Variants in ZNF335 observed in about 807,000 individuals in gnomAD.
ZNF335 encodes the protein NRC-interacting factor 1.
Under a neutral mutation model 145.6 loss-of-function variants are expected in ZNF335, and 84 were observed. That is an observed-to-expected ratio of 0.58 (90% CI 0.48 to 0.69). The LOEUF is 0.69. ZNF335 is among the 30% of genes least tolerant of loss of function. The pLI is 0.00. For missense variants in ZNF335, 1,865 were observed against 1,809.7 expected (o/e 1.03, Z -0.55); for synonymous variants, 761 against 717.0 (o/e 1.06, Z -0.98).
rs114356103 is a variant in ZNF335 at position 45,971,308 on chromosome 20, C to A, written c.103G>T (p.Val35Leu). ...GCGGCGTCGCTGCTGTCGGCGGACA[C>A]GGCTTCTGAGGTGCCCACACCCAGG... ...SGLGVGTSEA[V>L]SADSSDAAAA... The change falls in exon 2 of 28, where the codon GTG becomes TTG. Residue 35 changes from valine to leucine, a missense_variant. Coordinates refer to ENST00000322927, the MANE Select transcript of ZNF335 (RefSeq NM_022095.4). 857 of 1,593,652 alleles carry A rather than the reference C, an allele frequency of 5.4e-4. 4 individuals carry two copies. The African/African-American group carries it at 9.9e-3, about 18-fold the overall frequency.
rs113840394 is a variant in ZNF335, at chr20:45,965,778, T to A, written c.956-4A>T. The A allele has an allele frequency of 8.8e-6, 14 of 1,598,640 alleles. No homozygotes were observed. The highest frequency in any genetic ancestry group is 1.2e-5 in the Non-Finnish European group (14 of 1,173,126). On this transcript the variant is annotated splice_polypyrimidine_tract_variant and splice_region_variant and intron_variant, in intron 6 of 27. Coordinates refer to ENST00000322927, the MANE Select transcript of ZNF335 (RefSeq NM_022095.4). Reference sequence around the variant, plus strand: ...GCTGGATTATAGTCGCTATCCTCTGTGGGGGACAGTAAAGTTGGTGAACAG... The same window carrying A: ...GCTGGATTATAGTCGCTATCCTCTGAGGGGGACAGTAAAGTTGGTGAACAG...
intron 17 of ZNF335, among the ~76,000 whole-genome samples, chr20:45,956,708 C>T (rs1327072280): frequency 4.0e-5 from 6 of 151,016 alleles, no homozygotes; most frequent in African/African-American, 9.8e-5. Context: ...GATACCACGT[C>T]GGATGACTTC....
chr20:45,968,110 C>T (rs2083995017), intron 4 of ZNF335, 83 bp from the exon 5 acceptor site: 1 of 1,569,698 alleles, frequency 6.4e-7, no homozygotes, highest in African/African-American at 1.3e-5. Context: ...CCCAGGCAGG[C>T]CCAGGGAGTG....
intron 15 of ZNF335, among the ~76,000 whole-genome samples, chr20:45,958,885 CAA>C (rs1344295896): frequency 6.6e-6 from 1 of 152,184 alleles, no homozygotes; most frequent in Admixed American, 6.5e-5. Context: ...GATGACTGGG[CAA>C]AGATACTGAG....
chr20:45,950,008 C>G lies in ZNF335; in HGVS notation c.3549G>C (p.Gln1183His). The part of the protein sequence containing the change: ...GPERLQQALS[Q>H]EHIIVAQEQT... ...GTTCCTGGGCAACGATGATGTGTTC[C>G]TGGCTCAGTGCCTGCTGTAGCCGCT... is the stretch of plus-strand genomic sequence containing the variant. Residue 1183 changes from glutamine to histidine, a missense_variant, in exon 23 of 28, where the codon CAG becomes CAC. By Grantham distance (24) the Gln-to-His change is conservative. Coordinates refer to ENST00000322927, the MANE Select transcript of ZNF335 (RefSeq NM_022095.4). 1.2e-6 allele frequency: 2 copies of G among 1,614,160 alleles called. No individual in the cohort carries two copies. Among genetic ancestry groups the G allele is most frequent in the Non-Finnish European group, 1.7e-6 (2 of 1,180,032 alleles).
chr20:45,949,053 G>A lies in ZNF335; in HGVS notation c.3929C>T (p.Ala1310Val). Residue 1310 changes from alanine to valine, a missense_variant, in exon 28 of 28, where the codon GCC (alanine) becomes GTC (valine). Physicochemically the swap from Ala to Val is moderately conservative, Grantham distance 64. Coordinates refer to ENST00000322927, the MANE Select transcript of ZNF335 (RefSeq NM_022095.4). ...CTCGTCTGTACCAAACAGGCCCTGG[G>A]CTTGGGCCATGGCAGCATCAGCCAC... ...TAVADAAMAQ[A>V]QGLFGTDETV... The A allele has an allele frequency of 9.9e-6, 16 of 1,613,810 alleles. No homozygotes were observed. The highest frequency in any genetic ancestry group is 1.4e-5 in the Non-Finnish European group (16 of 1,180,018).
rs764655342 is a variant in ZNF335 at position 45,952,630 on chromosome 20, C to T, written c.2782G>A (p.Ala928Thr). Residue 928 changes from alanine to threonine, a missense_variant, in exon 19 of 28, where the codon GCT becomes ACT. Ala to Thr is a moderately conservative substitution (Grantham distance 58, BLOSUM62 0). Transcript: ENST00000322927. ...LKEAGTHYIM[A>T]TDGTQLHHIE... is the part of the protein sequence containing the mutation. ...TGGTGCAACTGGGTACCATCAGTAGCCATGATGTAGTGGGTGCCAGCTTCT... is the reference window on the plus strand; with the variant it reads ...TGGTGCAACTGGGTACCATCAGTAGTCATGATGTAGTGGGTGCCAGCTTCT... The T allele has an allele frequency of 1.1e-5, 17 of 1,613,828 alleles. No individual in the cohort carries two copies. The highest frequency in any genetic ancestry group is 1.3e-5 in the Non-Finnish European group (15 of 1,180,030).
At chr20:45,964,671 A>G (rs1466791640) in intron 7 of ZNF335, among the ~76,000 whole-genome samples, 1 of 152,172 alleles carries the variant, frequency 6.6e-6, no homozygotes, top group Non-Finnish European at 1.5e-5. Flanking sequence ...AAACTCATTG[A>G]CCTGGGCAGA....
At chr20:45,951,038 A>C (rs374196956) in intron 20 of ZNF335, among the ~76,000 whole-genome samples, 52 of 152,338 alleles carry the variant, frequency 3.4e-4, no homozygotes, top group African/African-American at 9.9e-4. Context: ...GATTACTGGC[A>C]TGCGCCACCA....
At position 45,957,825 on chromosome 20, in the gene ZNF335, C is replaced by A; in HGVS notation, c.2347+10G>T. ...CCCTCCATGAGCTCCTATCCTCCTA[C>A]AGAGCTCACCTTGCTGGTAGATGAT... On this transcript the variant is annotated intron_variant, in intron 16 of 27. Coordinates refer to ENST00000322927, the MANE Select transcript of ZNF335 (RefSeq NM_022095.4). 1 of 1,613,458 alleles carries A rather than the reference C, an allele frequency of 6.2e-7. No homozygotes were observed. Among genetic ancestry groups the A allele is most frequent in the Non-Finnish European group, 8.5e-7 (1 of 1,179,528 alleles).
chr20:45,954,268 C>A (rs1312811278), intron 17 of ZNF335, among the ~76,000 whole-genome samples: 1 of 152,142 alleles, frequency 6.6e-6, no homozygotes, highest in Non-Finnish European at 1.5e-5. Flanking sequence ...GCCAGGGATG[C>A]CGCTGAACAC....
intron 15 of ZNF335, 129 bp from the exon 16 acceptor site, chr20:45,958,057 T>C: frequency 1.8e-6 from 1 of 561,182 alleles, no homozygotes; most frequent in South Asian, 2.5e-5. Flanking sequence ...CCACTTTTCT[T>C]TTTTTTTTTT....
Position 45,967,732 on chromosome 20 carries a change from A to G in ZNF335, c.814+2T>C, listed in dbSNP as rs1376108542. The G allele has an allele frequency of 6.2e-7, 1 of 1,609,478 alleles. No individual in the cohort carries two copies. Among genetic ancestry groups the G allele is most frequent in the Non-Finnish European group, 8.5e-7 (1 of 1,177,478 alleles). On this transcript the variant is annotated splice_donor_variant, in intron 5 of 27. Coordinates refer to ENST00000322927, the MANE Select transcript of ZNF335 (RefSeq NM_022095.4). LOFTEE classifies it high-confidence loss of function. The stretch of plus-strand genomic sequence containing the variant: ...CAAGCAGGTAGGCTGCTACTGACGC[A>G]CCTGGACGGAAGTGGCGTTCCCGCA...
At chr20:45,971,926 T>G in intron 1 of ZNF335, 196 bp downstream of exon 1, 1 of 985,414 alleles carries the variant, frequency 1.0e-6, no homozygotes, top group Admixed American at 6.1e-5. Context: ...CTGCCTGTGC[T>G]CCAGGCCCGA....
chr20:45,964,569 G>A (rs548465502), intron 7 of ZNF335: 3 of 152,504 alleles, frequency 2.0e-5, no homozygotes, highest in South Asian at 4.1e-4. Flanking sequence ...ATATGTACTA[G>A]ACAAATTAAC....
chr20:45,968,196 G>A (rs1188780540), intron 4 of ZNF335, 89 bp downstream of exon 4: 2 of 1,520,090 alleles, frequency 1.3e-6, no homozygotes, highest in Non-Finnish European at 1.8e-6. Flanking sequence ...ACCCAGCCAG[G>A]GCCACAGACG....
intron 1 of ZNF335, 70 bp downstream of exon 1, chr20:45,972,052 G>T: frequency 7.9e-7 from 1 of 1,262,680 alleles, no homozygotes; most frequent in Non-Finnish European, 1.0e-6. Context: ...TCGCCTCCGG[G>T]TATCCCCGCA....
chr20:45,953,322 A>G (rs774842862), intron 18 of ZNF335, among the ~76,000 whole-genome samples: 3 of 152,182 alleles, frequency 2.0e-5, no homozygotes, highest in Non-Finnish European at 2.9e-5. Context: ...AACACCTGGG[A>G]TCACCCAAGA....
At chr20:45,958,966 TAA>T (rs1208285007) in intron 15 of ZNF335, among the ~76,000 whole-genome samples, 3 of 152,218 alleles carry the variant, frequency 2.0e-5, no homozygotes, top group Admixed American at 2.0e-4. Flanking sequence ...AATTCTTGTA[TAA>T]GAGAGAATAA....
Sources: gnomAD v4.1 joint callset for allele counts (sites outside exome capture counted in the v4.1 genomes callset) on GRCh38, gnomAD v4.1.1 for gene constraint, MANE v1.5 for transcripts, NCBI Gene and HGNC (gene_info 2026-07-23, HGNC 2026-07-21) for gene names.